The following POM121 variants were observed in gnomAD, a reference collection of about 807,000 sequenced individuals.
POM121 encodes the protein POM121 transmembrane nucleoporin.
POM121 carries 32 observed loss-of-function variants against 81.3 expected under a neutral mutation model. That is an observed-to-expected ratio of 0.39 (90% CI 0.30 to 0.53). The LOEUF is 0.53. Ranked by LOEUF, POM121 falls within the 20% of genes least tolerant of loss-of-function variation. The pLI is 0.66. For synonymous variants in POM121, 514 were observed against 694.2 expected (o/e 0.74, Z 4.08); for missense variants, 1,138 against 1,614.6 (o/e 0.70, Z 5.06).
chr7:72,902,572 A>G (rs1209409430), intron 3 of POM121, among the ~76,000 whole-genome samples: 1 of 151,980 alleles, frequency 6.6e-6, no homozygotes, highest in Non-Finnish European at 1.5e-5. Context: ...TCTGTCACCC[A>G]GGCTGGAGTG....
upstream of POM121, chr7:72,924,364 T>C (rs541933403): frequency 3.9e-5 from 6 of 152,340 alleles, no homozygotes; most frequent in East Asian, 1.2e-3. Context: ...AATAAATCAA[T>C]GAATGAATGG....
At chr7:72,883,964 G>A (rs1790420771) in intron 1 of POM121, among the ~76,000 whole-genome samples, 1 of 152,020 alleles carries the variant, frequency 6.6e-6, no homozygotes, top group Admixed American at 6.6e-5. Context: ...CACCCAGGCT[G>A]GCACATTTAT....
chr7:72,939,456 G>A (rs371184990), intron 7 of POM121, 47 bp downstream of exon 7: 157 of 1,610,180 alleles, frequency 9.8e-5, no homozygotes, highest in Middle Eastern at 6.6e-4. Flanking sequence ...TGGTGGAGGT[G>A]TTTGTGGAGG....
downstream of POM121, chr7:72,948,842 GAGC>G: frequency 2.6e-6 from 4 of 1,561,434 alleles, no homozygotes; most frequent in Non-Finnish European, 3.5e-6. Context: ...CTGGGTAAGA[GAGC>G]AGTTCACCCC....
At chr7:72,940,058 T>A (rs1189642882) in intron 8 of POM121, 90 bp downstream of exon 8, 1 of 1,527,874 alleles carries the variant, frequency 6.5e-7, no homozygotes, top group African/African-American at 1.4e-5. Context: ...TGATTTTTTT[T>A]CTAATTTATT....
chr7:72,945,704 T>G lies in POM121; in HGVS notation c.3648T>G (p.Pro1216=), dbSNP rs3177262. ...APAQGFVGVA[P]FGSAALSFSI... ...CCCAAGGCTTTGTTGGTGTTGCACC[T>G]TTCGGTAAGCAGCAAGCCACCCTGT... Residue 1216 remains proline, a synonymous_variant, in exon 12 of 13, where the codon CCT becomes CCG. Transcript: ENST00000434423. 32 of 1,608,710 alleles carry G rather than the reference T, an allele frequency of 2.0e-5. No individual in the cohort carries two copies. Among genetic ancestry groups the G allele is most frequent in the Middle Eastern group, 1.7e-4 (1 of 5,900 alleles).
At chr7:72,908,563 T>C (rs1465540125) in intron 3 of POM121, among the ~76,000 whole-genome samples, 1 of 152,158 alleles carries the variant, frequency 6.6e-6, no homozygotes, top group Non-Finnish European at 1.5e-5. Flanking sequence ...CAAAATTTAT[T>C]AGGCGGGAAT....
At chr7:72,911,325 G>A (rs1326544622) in intron 3 of POM121, among the ~76,000 whole-genome samples, 1 of 152,246 alleles carries the variant, frequency 6.6e-6, no homozygotes, top group Non-Finnish European at 1.5e-5. Flanking sequence ...GTAATTAGAA[G>A]AGAAATGTAA....
chr7:72,912,493 C>T (rs1388236908), intron 3 of POM121, among the ~76,000 whole-genome samples: 3 of 151,866 alleles, frequency 2.0e-5, no homozygotes, highest in Admixed American at 2.0e-4. Context: ...AGTGGGTTTT[C>T]TGGCCGGGCG....
At chr7:72,885,085 A>G (rs1244442767) in intron 1 of POM121, among the ~76,000 whole-genome samples, 9 of 152,246 alleles carry the variant, frequency 5.9e-5, no homozygotes, top group Non-Finnish European at 1.3e-4. Context: ...CCGCAGTGCC[A>G]TTATAACATT....
At chr7:72,908,050 G>A (rs1442767716) in intron 3 of POM121, among the ~76,000 whole-genome samples, 2 of 151,966 alleles carry the variant, frequency 1.3e-5, no homozygotes, top group African/African-American at 4.8e-5. Flanking sequence ...TTTCTCTGTT[G>A]TATCTCCATT....
chr7:72,894,967 C>T (rs1309273383), intron 3 of POM121, among the ~76,000 whole-genome samples: 1 of 152,152 alleles, frequency 6.6e-6, no homozygotes, highest in African/African-American at 2.4e-5. Flanking sequence ...GCTGGGACTA[C>T]AGGCCTGCCC....
chr7:72,944,664 G>A (rs1328920066), intron 11 of POM121, among the ~76,000 whole-genome samples: 3 of 152,246 alleles, frequency 2.0e-5, no homozygotes, highest in East Asian at 1.9e-4. Flanking sequence ...TCAGTGCCCC[G>A]ATGCAGCTCA....
intron 4 of POM121, among the ~76,000 whole-genome samples, chr7:72,916,735 A>G (rs1794323290): frequency 6.6e-6 from 1 of 151,982 alleles, no homozygotes; most frequent in Non-Finnish European, 1.5e-5. Flanking sequence ...AATAGCATTG[A>G]CTCTGTAAAT....
chr7:72,885,857 CTG>C (rs1477800322), intron 1 of POM121, among the ~76,000 whole-genome samples: 6 of 151,276 alleles, frequency 4.0e-5, no homozygotes, highest in Admixed American at 2.0e-4. Flanking sequence ...TAAAATGTCT[CTG>C]TTTGTCTTCC....
At chr7:72,944,696 G>A (rs528216130) in intron 11 of POM121, among the ~76,000 whole-genome samples, 1 of 152,202 alleles carries the variant, frequency 6.6e-6, no homozygotes, top group African/African-American at 2.4e-5. Flanking sequence ...AGTGGAGAGC[G>A]GGTGAAGTCA....
chr7:72,944,379 T>A (rs1235249543), intron 11 of POM121, among the ~76,000 whole-genome samples: 1 of 151,924 alleles, frequency 6.6e-6, no homozygotes, highest in Non-Finnish European at 1.5e-5. Flanking sequence ...GTAGAGAAAA[T>A]CTGGGAGAGA....
At chr7:72,927,044 C>T in intron 3 of POM121, 81 bp downstream of exon 3, 4 of 1,603,600 alleles carry the variant, frequency 2.5e-6, no homozygotes, top group Non-Finnish European at 3.4e-6. Flanking sequence ...CATATAGATA[C>T]AGAGGCCATC....
At chr7:72,949,460 G>A (rs145945970), downstream of POM121, 488 of 1,582,682 alleles carry the variant, frequency 3.1e-4, 6 homozygotes, top group African/African-American at 1.6e-3. Context: ...GATGCCAGCC[G>A]CCTGGCATCC....
Sources: gnomAD v4.1 joint callset for allele counts (sites outside exome capture counted in the v4.1 genomes callset) on GRCh38, gnomAD v4.1.1 for gene constraint, MANE v1.5 for transcripts, NCBI Gene and HGNC (gene_info 2026-07-23, HGNC 2026-07-21) for gene names.